Variants in CARMIL1 observed in about 807,000 individuals in gnomAD.
CARMIL1 encodes capping protein regulator and myosin 1 linker 1.
Under a neutral mutation model 177.1 loss-of-function variants are expected in CARMIL1, and 90 were observed. That is an observed-to-expected ratio of 0.51 (90% CI 0.43 to 0.61). The LOEUF (loss-of-function observed/expected upper bound fraction) is 0.61. Among genes scored for constraint, CARMIL1 ranks in the 20% least tolerant of loss-of-function variants. CARMIL1 has a pLI of 0.00. For missense variants in CARMIL1, 1,380 were observed against 1,667.0 expected (o/e 0.83, Z 3.00); for synonymous variants, 577 against 606.2 (o/e 0.95, Z 0.71).
intron 11 of CARMIL1, among the ~76,000 whole-genome samples, chr6:25,475,412 A>C (rs1801463130): frequency 6.6e-6 from 1 of 152,182 alleles, no homozygotes; most frequent in Admixed American, 6.5e-5. Flanking sequence ...AAAAAAAAAA[A>C]AAAAGTTAAA....
chr6:25,364,245 T>C (rs2150404995), intron 2 of CARMIL1, among the ~76,000 whole-genome samples: 1 of 152,178 alleles, frequency 6.6e-6, no homozygotes. Flanking sequence ...TGCCCTGCCA[T>C]TTTTTAGATT....
chr6:25,474,110 AT>A (rs771204582), intron 11 of CARMIL1, among the ~76,000 whole-genome samples: 1,985 of 142,580 alleles, frequency 0.014, 34 homozygotes, highest in African/African-American at 0.042. Context: ...ATGAGTATTA[AT>A]TTTTTTTTTT....
intron 2 of CARMIL1, among the ~76,000 whole-genome samples, chr6:25,332,568 T>C (rs941436218): frequency 9.2e-5 from 14 of 152,150 alleles, no homozygotes; most frequent in African/African-American, 3.4e-4. Flanking sequence ...TACTGACTTT[T>C]GCTGAAACTG....
At chr6:25,407,912 G>A (rs112236135) in intron 2 of CARMIL1, among the ~76,000 whole-genome samples, 2,483 of 152,242 alleles carry the variant, frequency 0.016, 25 homozygotes, top group Non-Finnish European at 0.024. Flanking sequence ...TAGTAAAAAC[G>A]CAGATTCTGA....
chr6:25,289,855 T>C (rs1781801935), intron 2 of CARMIL1, among the ~76,000 whole-genome samples: 1 of 152,242 alleles, frequency 6.6e-6, no homozygotes, highest in African/African-American at 2.4e-5. Flanking sequence ...TTTTCAGTTT[T>C]TGTCTATTAG....
In CARMIL1 at chr6:25,537,976, C is replaced by CT. The variant is rs1426517971; in HGVS notation, c.2190dup (p.Lys731Ter). The CT allele has an allele frequency of 6.2e-7, 1 of 1,600,326 alleles. No individual in the cohort carries two copies. Among genetic ancestry groups the CT allele is most frequent in the Non-Finnish European group, 8.5e-7 (1 of 1,173,496 alleles). ...CGGCTCATGCGTGATGCTAAGAACTCTAAAACGGTGAGTTTCACTTCAGGC... is the reference window on the plus strand; with the variant it reads ...CGGCTCATGCGTGATGCTAAGAACTCTTAAAACGGTGAGTTTCACTTCAGGC... On this transcript the variant is annotated frameshift_variant, in exon 25 of 37. Coordinates refer to ENST00000329474, the MANE Select transcript of CARMIL1 (RefSeq NM_017640.6). LOFTEE classifies it high-confidence loss of function.
At chr6:25,506,421 C>T (rs1222293013) in intron 17 of CARMIL1, among the ~76,000 whole-genome samples, 1 of 152,206 alleles carries the variant, frequency 6.6e-6, no homozygotes, top group Admixed American at 6.5e-5. Context: ...TAGTGCACGC[C>T]TGTAATCCCA....
intron 2 of CARMIL1, among the ~76,000 whole-genome samples, chr6:25,354,018 T>A (rs1788341790): frequency 6.6e-6 from 1 of 152,198 alleles, no homozygotes; most frequent in South Asian, 2.1e-4. Flanking sequence ...ATTCTGATAA[T>A]GCACAGATAA....
intron 24 of CARMIL1, among the ~76,000 whole-genome samples, chr6:25,530,430 G>A (rs889393041): frequency 2.2e-4 from 34 of 152,054 alleles, no homozygotes; most frequent in African/African-American, 8.2e-4. Context: ...CAGGAGAATC[G>A]CTTGAACCTG....
chr6:25,497,991 A>G (rs771090658), intron 16 of CARMIL1, among the ~76,000 whole-genome samples: 1 of 152,176 alleles, frequency 6.6e-6, no homozygotes, highest in African/African-American at 2.4e-5. Flanking sequence ...TAAAATTGCT[A>G]GAATAGTCTG....
At chr6:25,450,601 A>G in intron 7 of CARMIL1, 37 bp from the exon 8 acceptor site, 1 of 1,261,466 alleles carries the variant, frequency 7.9e-7, no homozygotes, top group Non-Finnish European at 1.1e-6. Context: ...GGTCATCTGC[A>G]TGGACTGATG....
In CARMIL1 at chr6:25,520,343, A is replaced by T; in HGVS notation, c.1968+6A>T. On this transcript the variant is annotated splice_donor_region_variant and intron_variant, in intron 23 of 36. Coordinates refer to ENST00000329474, the MANE Select transcript of CARMIL1 (RefSeq NM_017640.6). ...CAGAAGACGCTCTGCAAAAGGTATTAAAGAATCAGTAGCTTAATTACAAGA... is the reference window on the plus strand; with the variant it reads ...CAGAAGACGCTCTGCAAAAGGTATTTAAGAATCAGTAGCTTAATTACAAGA... The T allele has an allele frequency of 6.8e-7, 1 of 1,473,036 alleles. No homozygotes were observed. Among genetic ancestry groups the T allele is most frequent in the Non-Finnish European group, 9.3e-7 (1 of 1,079,448 alleles). 91.2% of individuals were successfully genotyped at this position (1,473,036 alleles called of 1,614,324 possible). A position where few individuals can be genotyped will look rare whatever the true frequency, so the allele number is the denominator to read the frequency against.
intron 1 of CARMIL1, among the ~76,000 whole-genome samples, chr6:25,281,133 C>CGG (rs749051159): frequency 2.8e-5 from 3 of 107,926 alleles, no homozygotes; most frequent in Non-Finnish European, 5.3e-5. Flanking sequence ...CGTGTGCGCG[C>CGG]GCGCACACAC....
intron 9 of CARMIL1, among the ~76,000 whole-genome samples, chr6:25,467,128 G>A (rs111290466): frequency 0.027 from 4,101 of 151,950 alleles, 151 homozygotes; most frequent in African/African-American, 0.085. Flanking sequence ...AAATATGAGA[G>A]TATGAATTAT....
chr6:25,306,104 T>G (rs535144564), intron 2 of CARMIL1, among the ~76,000 whole-genome samples: 1 of 152,276 alleles, frequency 6.6e-6, no homozygotes, highest in Non-Finnish European at 1.5e-5. Flanking sequence ...CCATCGCCCC[T>G]GACAATCACT....
intron 2 of CARMIL1, among the ~76,000 whole-genome samples, chr6:25,356,047 C>A (rs1788564878): frequency 7.7e-6 from 1 of 129,550 alleles, no homozygotes. Flanking sequence ...CCTTCTAAGA[C>A]TTCTTTTTTT....
chr6:25,578,156 G>A (rs1012326824), intron 29 of CARMIL1, among the ~76,000 whole-genome samples: 2 of 151,990 alleles, frequency 1.3e-5, no homozygotes. Context: ...TTCATCTGAT[G>A]GACACTTTGT....
chr6:25,443,572 T>G (rs1259398889), intron 5 of CARMIL1, among the ~76,000 whole-genome samples: 1 of 152,242 alleles, frequency 6.6e-6, no homozygotes, highest in East Asian at 1.9e-4. Context: ...AGTCAAGAAC[T>G]TTTTGGTTTC....
intron 2 of CARMIL1, among the ~76,000 whole-genome samples, chr6:25,402,516 A>G (rs967175852): frequency 3.3e-5 from 5 of 152,236 alleles, no homozygotes; most frequent in African/African-American, 1.2e-4. Flanking sequence ...GATTTTGCCA[A>G]TCTATTTTGT....
Sources: allele counts gnomAD v4.1 joint callset (sites outside exome capture counted in the v4.1 genomes callset), GRCh38; gene constraint gnomAD v4.1.1; transcripts MANE v1.5; gene names NCBI Gene and HGNC (gene_info 2026-07-23, HGNC 2026-07-21).